Variants in METTL15 observed in about 807,000 individuals in gnomAD.
METTL15 encodes 12S rRNA N(4)-cytidine methyltransferase METTL15.
METTL15 carries 34 observed loss-of-function variants against 38.3 expected under a neutral mutation model. The observed-to-expected ratio is 0.89, with a 90% CI of 0.68 to 1.18. The LOEUF (loss-of-function observed/expected upper bound fraction) is 1.18, where lower values mean the gene tolerates loss of function less well. Ranked by LOEUF, METTL15 falls within the 50% of genes most tolerant of loss-of-function variation. The pLI is 0.00. For missense variants in METTL15, 438 were observed against 498.4 expected, an observed-to-expected ratio of 0.88 and a Z score of 1.15; for synonymous variants, 162 against 170.9, an observed-to-expected ratio of 0.95 and a Z score of 0.41.
At chr11:28,454,758 A>C (rs1341737644) in intron 6 of METTL15, among the ~76,000 whole-genome samples, 1 of 152,170 alleles carries the variant, frequency 6.6e-6, no homozygotes, top group Non-Finnish European at 1.5e-5. Context: ...TGTATCTCAT[A>C]TTTTCACCAA....
chr11:28,457,600 TA>T (rs1190312683), intron 6 of METTL15, among the ~76,000 whole-genome samples: 1 of 152,134 alleles, frequency 6.6e-6, no homozygotes, highest in East Asian at 1.9e-4. Flanking sequence ...ACATGGCACA[TA>T]AGGGCTCTGA....
At chr11:28,277,479 C>A (rs1336158078) in intron 4 of METTL15, among the ~76,000 whole-genome samples, 1 of 152,084 alleles carries the variant, frequency 6.6e-6, no homozygotes, top group African/African-American at 2.4e-5. Flanking sequence ...GGGCAGATTA[C>A]CTGAGGTCAG....
intron 4 of METTL15, among the ~76,000 whole-genome samples, chr11:28,218,940 G>A (rs543555004): frequency 3.9e-5 from 6 of 152,296 alleles, no homozygotes; most frequent in African/African-American, 1.4e-4. Flanking sequence ...GCTCTTTGAT[G>A]TGTTGCTGGA....
intron 3 of METTL15, among the ~76,000 whole-genome samples, chr11:28,149,523 T>C (rs1334204864): frequency 6.6e-6 from 1 of 151,954 alleles, no homozygotes; most frequent in African/African-American, 2.4e-5. Context: ...CTGTGTTACT[T>C]TGCAGGTTAC....
chr11:28,425,577 G>A lies in METTL15; in HGVS notation c.*424+1213G>A, dbSNP rs1054239391. ...TCCTTTGCTTTTATGACCTCTAATC[G>A]TTCATCACTTCACCTAAGCGGCCTC... On this transcript the variant is annotated intron_variant and NMD_transcript_variant, in intron 6 of 7. Coordinates refer to the METTL15 transcript ENST00000532947. Among the ~76,000 whole-genome samples the A allele has an allele frequency of 2.6e-5, 4 of 152,022 alleles. No individual in the cohort carries two copies. In the East Asian group the frequency reaches 5.8e-4, roughly 22 times the overall value.
intron 4 of METTL15, among the ~76,000 whole-genome samples, chr11:28,237,335 G>A (rs7111725): frequency 0.29 from 43,621 of 151,684 alleles, 7,051 homozygotes; most frequent in African/African-American, 0.43. Flanking sequence ...TTCCCTTCTC[G>A]CTTCATTTCA....
chr11:28,239,582 C>G (rs1158429105), intron 4 of METTL15, among the ~76,000 whole-genome samples: 1 of 152,120 alleles, frequency 6.6e-6, no homozygotes, highest in Non-Finnish European at 1.5e-5. Flanking sequence ...TTCTTAAAAG[C>G]AAATTAGATC....
chr11:28,285,121 C>T (rs1173301106), intron 4 of METTL15, among the ~76,000 whole-genome samples: 1 of 152,104 alleles, frequency 6.6e-6, no homozygotes, highest in African/African-American at 2.4e-5. Flanking sequence ...GCCTGCTTCC[C>T]CTTTGCCTTC....
At chr11:28,162,132 C>T (rs1194087402) in intron 3 of METTL15, among the ~76,000 whole-genome samples, 6 of 152,106 alleles carry the variant, frequency 3.9e-5, no homozygotes, top group Non-Finnish European at 2.9e-5. Context: ...ACTGCTGACA[C>T]ACCAAGACGT....
rs144112694 is a variant in METTL15, at chr11:28,413,415, T to G, written c.*359-10884T>G. 1.2e-3 allele frequency among the ~76,000 whole-genome samples: 185 copies of G among 152,282 alleles called. 2 individuals are homozygous for G. Among genetic ancestry groups the G allele is most frequent in the African/African-American group, 4.2e-3 (176 of 41,578 alleles). ...GACACATTTCCACTTAAAAAAAGAT[T>G]TATATTCGTTTCCTGCGAGATATAA... On this transcript the variant is annotated intron_variant and NMD_transcript_variant, in intron 5 of 7. Transcript: ENST00000532947.
intron 5 of METTL15, among the ~76,000 whole-genome samples, chr11:28,393,273 C>T (rs765839988): frequency 2.0e-5 from 3 of 151,856 alleles, no homozygotes; most frequent in African/African-American, 2.4e-5. Flanking sequence ...GTGGAAGTAG[C>T]GTAAATGTCC....
chr11:28,167,741 G>T (rs1051845879), intron 3 of METTL15, among the ~76,000 whole-genome samples: 4 of 150,522 alleles, frequency 2.7e-5, no homozygotes, highest in Non-Finnish European at 5.9e-5. Flanking sequence ...CAATATACTA[G>T]ATACGAAAAA....
chr11:28,392,351 G>A (rs1297802026), intron 5 of METTL15, among the ~76,000 whole-genome samples: 1 of 152,102 alleles, frequency 6.6e-6, no homozygotes, highest in Non-Finnish European at 1.5e-5. Context: ...TAAGGCTAAA[G>A]TAATTAAAAC....
rs1036437664 is a variant in METTL15, at chr11:28,332,659, A to G, written c.*1818A>G. 2.7e-5 allele frequency: 4 copies of G among 150,182 alleles called. No individual in the cohort carries two copies. The highest frequency in any genetic ancestry group is 2.0e-4 in the Admixed American group (3 of 15,132). 9.3% of individuals were successfully genotyped at this position (150,182 alleles called of 1,614,324 possible). A position where few individuals can be genotyped will look rare whatever the true frequency, so the allele number is the denominator to read the frequency against. ...TAATCCAATATGACTGGTGTTCCTTATAAGAGAAGATAGGGCGGGCATGGT... is the reference window on the plus strand; with the variant it reads ...TAATCCAATATGACTGGTGTTCCTTGTAAGAGAAGATAGGGCGGGCATGGT... On this transcript the variant is annotated 3_prime_UTR_variant, in exon 7 of 7. Coordinates refer to ENST00000407364, the MANE Select transcript of METTL15 (RefSeq NM_001113528.2).
intron 6 of METTL15, among the ~76,000 whole-genome samples, chr11:28,502,019 T>G (rs988962098): frequency 6.7e-6 from 1 of 149,758 alleles, no homozygotes; most frequent in African/African-American, 2.5e-5. Flanking sequence ...TAGAATGGCG[T>G]GAATCCAGGA....
chr11:28,477,262 C>T (rs1039740808), intron 6 of METTL15, among the ~76,000 whole-genome samples: 24 of 152,092 alleles, frequency 1.6e-4, no homozygotes, highest in African/African-American at 4.1e-4. Context: ...CTGCAATCTC[C>T]GCCTCCTGTG....
intron 3 of METTL15, among the ~76,000 whole-genome samples, chr11:28,165,493 C>T (rs192979433): frequency 6.5e-4 from 99 of 152,190 alleles, no homozygotes; most frequent in African/African-American, 2.3e-3. Context: ...AATATCTGTT[C>T]ATGTTCTTTG....
intron 6 of METTL15, among the ~76,000 whole-genome samples, chr11:28,306,043 C>T (rs1857072197): frequency 6.6e-6 from 1 of 152,100 alleles, no homozygotes; most frequent in Non-Finnish European, 1.5e-5. Flanking sequence ...TGGAATTCCT[C>T]ATTATCTTAG....
intron 4 of METTL15, among the ~76,000 whole-genome samples, chr11:28,222,334 G>A (rs1853273495): frequency 1.3e-5 from 2 of 152,192 alleles, no homozygotes; most frequent in Admixed American, 1.3e-4. Flanking sequence ...GGCTCCGTGG[G>A]CATAGGACCC....
Sources: gnomAD v4.1 joint callset for allele counts (sites outside exome capture counted in the v4.1 genomes callset) on GRCh38, gnomAD v4.1.1 for gene constraint, MANE v1.5 for transcripts, NCBI Gene and HGNC (gene_info 2026-07-23, HGNC 2026-07-21) for gene names.